Variants in PRKAG2 observed in about 807,000 individuals in gnomAD.
PRKAG2 encodes the protein 5'-AMP-activated protein kinase subunit gamma-2.
Under a neutral mutation model 69.6 loss-of-function variants are expected in PRKAG2, and 26 were observed. The observed-to-expected ratio is 0.37, with a 90% CI of 0.27 to 0.52. The LOEUF (loss-of-function observed/expected upper bound fraction) is 0.52. PRKAG2 is among the 20% of genes least tolerant of loss of function. The pLI, the probability that PRKAG2 is intolerant of heterozygous loss-of-function variation, is 0.90. For synonymous variants in PRKAG2, 293 were observed against 285.0 expected (o/e 1.03, Z -0.28); for missense variants, 557 against 740.0 (o/e 0.75, Z 2.87).
chr7:151,735,987 G>A (rs879927302), intron 3 of PRKAG2: 6 of 1,536,280 alleles, frequency 3.9e-6, no homozygotes, highest in Middle Eastern at 1.7e-4. Context: ...CTCCCAAAGC[G>A]CTTCATGGGT....
chr7:151,728,623 T>G (rs535834577), intron 3 of PRKAG2, among the ~76,000 whole-genome samples: 1 of 152,318 alleles, frequency 6.6e-6, no homozygotes, highest in South Asian at 2.1e-4. Flanking sequence ...GGCTCTGAAA[T>G]CTTTCCCTTT....
chr7:151,677,714 A>G (rs765922212), intron 3 of PRKAG2, among the ~76,000 whole-genome samples: 3 of 152,192 alleles, frequency 2.0e-5, no homozygotes, highest in Non-Finnish European at 2.9e-5. Context: ...TGGCAATCAC[A>G]TGTAGCCAAC....
intron 3 of PRKAG2, among the ~76,000 whole-genome samples, chr7:151,773,019 A>G (rs1468505691): frequency 3.8e-4 from 9 of 23,556 alleles, no homozygotes; most frequent in African/African-American, 1.7e-3. Flanking sequence ...GAAAGAAAGA[A>G]AGAAAGAGAG....
intron 3 of PRKAG2, among the ~76,000 whole-genome samples, chr7:151,720,983 G>A (rs78022105): frequency 0.033 from 4,782 of 145,178 alleles, 184 homozygotes; most frequent in African/African-American, 0.094. Context: ...GATGGAGCAG[G>A]CAGAGGGGAT....
chr7:151,768,364 A>G (rs1239985365), intron 3 of PRKAG2, among the ~76,000 whole-genome samples: 3 of 152,230 alleles, frequency 2.0e-5, no homozygotes, highest in African/African-American at 7.2e-5. Flanking sequence ...CAATGACCCC[A>G]CCAAAACCCC....
intron 6 of PRKAG2, among the ~76,000 whole-genome samples, chr7:151,585,710 C>T (rs10215932): frequency 0.022 from 3,360 of 152,290 alleles, 109 homozygotes; most frequent in African/African-American, 0.076. Flanking sequence ...TTAGATGATG[C>T]CATCAATGAA....
At chr7:151,820,448 CCTGGCCCCTGTGGCTTCTG>C (rs2078741001) in intron 1 of PRKAG2, among the ~76,000 whole-genome samples, 1 of 146,454 alleles carries the variant, frequency 6.8e-6, no homozygotes, top group Non-Finnish European at 1.5e-5. Context: ...CGCTCCGTGG[CCTGGCCCCTGTGGCTTCTG>C]CAGGGCACAC....
chr7:151,811,460 C>T lies in PRKAG2; in HGVS notation c.115-24919G>A, dbSNP rs138986145. ...GGAACACCCCCCAGTTCTTGGGCAT[C>T]AGGTGCTTGTGATTCCATTCTATTT... On this transcript the variant is annotated intron_variant, in intron 1 of 15. Transcript: ENST00000287878. Among the ~76,000 whole-genome samples, 488 of 152,386 alleles carry T rather than the reference C, an allele frequency of 3.2e-3. 5 individuals are homozygous for T. Among genetic ancestry groups the T allele is most frequent in the African/African-American group, 0.01 (435 of 41,598 alleles).
At chr7:151,646,789 C>T (rs1224202889) in intron 4 of PRKAG2, among the ~76,000 whole-genome samples, 2 of 152,066 alleles carry the variant, frequency 1.3e-5, no homozygotes, top group Non-Finnish European at 2.9e-5. Flanking sequence ...TTACAGATTA[C>T]CTATGTCATA....
intron 1 of PRKAG2, among the ~76,000 whole-genome samples, chr7:151,821,039 C>T (rs7384710): frequency 9.0e-4 from 75 of 83,146 alleles, no homozygotes; most frequent in East Asian, 2.9e-3. Flanking sequence ...ACCTCAGTCC[C>T]GGCCAGAAGG....
Position 151,828,452 on chromosome 7 carries a change from C to T in PRKAG2, c.115-41911G>A, listed in dbSNP as rs377562244. Among the ~76,000 whole-genome samples the T allele has an allele frequency of 6.6e-6, 1 of 152,082 alleles. No homozygotes were observed. The highest frequency in any genetic ancestry group is 2.1e-4 in the South Asian group (1 of 4,822). On this transcript the variant is annotated intron_variant, in intron 1 of 15. Transcript: ENST00000287878. The surrounding 1 kb of genome is among the most constrained non-coding windows in gnomAD (Gnocchi z 4.6). ...TTAATGCATGAAGAAAAAGAATGAC[C>T]CTAAAAGCCATCTCACAGAGGTGAC...
At chr7:151,662,562 G>A (rs568598589) in intron 4 of PRKAG2, among the ~76,000 whole-genome samples, 1 of 152,274 alleles carries the variant, frequency 6.6e-6, no homozygotes, top group South Asian at 2.1e-4. Flanking sequence ...TTCTGGTTTA[G>A]TCTTTTCCGC....
At chr7:151,620,273 C>T (rs1489474305) in intron 5 of PRKAG2, among the ~76,000 whole-genome samples, 1 of 152,088 alleles carries the variant, frequency 6.6e-6, no homozygotes, top group Non-Finnish European at 1.5e-5. Context: ...GAGATGACTA[C>T]CAGTTTCTCT....
rs539100926 is a variant in PRKAG2, at chr7:151,562,738, C to T, written c.1584+1340G>A. Among the ~76,000 whole-genome samples, 11 of 152,086 alleles carry T rather than the reference C, an allele frequency of 7.2e-5. No individual in the cohort carries two copies. The South Asian group carries it at 1.3e-3, about 17-fold the overall frequency. On this transcript the variant is annotated intron_variant, in intron 14 of 15. Transcript: ENST00000287878. ...ATCCCAGCACTTTGGGAGGCCGAGG[C>T]GGGCAGATCACGAGGTCAGGAGATC...
chr7:151,612,833 C>G (rs528286344), intron 5 of PRKAG2, among the ~76,000 whole-genome samples: 1 of 152,334 alleles, frequency 6.6e-6, no homozygotes, highest in South Asian at 2.1e-4. Context: ...GGGTGAGGAA[C>G]AGTTACAAAA....
chr7:151,702,051 G>A (rs746829897), intron 3 of PRKAG2, among the ~76,000 whole-genome samples: 4 of 152,076 alleles, frequency 2.6e-5, no homozygotes, highest in Non-Finnish European at 5.9e-5. Flanking sequence ...GGTAGCCCTG[G>A]GTGCTAATCC....
In PRKAG2 at chr7:151,601,352, A is replaced by G. The variant is rs1000284255; in HGVS notation, c.755-5898T>C. On this transcript the variant is annotated intron_variant, in intron 5 of 15. Transcript: ENST00000287878. ...TTAACAGTGACTGTGTATTTCTAAT[A>G]TTTTTTTCCTTCCTGGGTGATAATT... Among the ~76,000 whole-genome samples the G allele has an allele frequency of 2.0e-5, 3 of 151,988 alleles. No homozygotes were observed. The South Asian group carries it at 6.2e-4, about 32-fold the overall frequency.
chr7:151,719,802 T>C lies in PRKAG2; in HGVS notation c.467-44165A>G, dbSNP rs867476894. Among the ~76,000 whole-genome samples the C allele has an allele frequency of 4.1e-5, 4 of 96,954 alleles. No individual in the cohort carries two copies. The highest frequency in any genetic ancestry group is 1.0e-4 in the Non-Finnish European group (4 of 39,242). The allele number at this position is 96,954 out of a possible 152,430, so 63.6% of individuals were successfully genotyped here. ...AACTGGAGCCTGCCCCTCCTCCCCC[T>C]GAGTTTGCCAGGCAGCCTGTAAGTT... On this transcript the variant is annotated intron_variant, in intron 3 of 15. Coordinates refer to ENST00000287878, the MANE Select transcript of PRKAG2 (RefSeq NM_016203.4). This position sits in a 1 kb window ranked among gnomAD's most constrained non-coding sequence, Gnocchi z 5.2.
intron 2 of PRKAG2, among the ~76,000 whole-genome samples, 180 bp downstream of exon 2, chr7:151,786,290 A>T (rs1260419548): frequency 6.6e-6 from 1 of 152,192 alleles, no homozygotes; most frequent in Non-Finnish European, 1.5e-5. Flanking sequence ...CCCGGCCGAT[A>T]CGCCAGGCTT....
Sources: gnomAD v4.1 joint callset for allele counts (sites outside exome capture counted in the v4.1 genomes callset) on GRCh38, gnomAD v4.1.1 for gene constraint, Gnocchi (gnomAD v3.1) non-coding constraint, MANE v1.5 for transcripts, NCBI Gene and HGNC (gene_info 2026-07-23, HGNC 2026-07-21) for gene names.